The following SLC71A2 variants were observed in gnomAD, a reference collection of about 807,000 sequenced individuals.
SLC71A2 encodes hippocampus abundant transcript-like 1.
the SLC71A2 span, among the ~76,000 whole-genome samples, chr9:94,399,627 T>A: frequency 6.6e-6 from 1 of 152,140 alleles, no homozygotes; most frequent in African/African-American, 2.4e-5. Context: ...CCAGTTTATT[T>A]AATTGGTCAG....
the SLC71A2 span, among the ~76,000 whole-genome samples, chr9:94,423,843 C>A: frequency 2.5e-4 from 38 of 152,090 alleles, no homozygotes; most frequent in African/African-American, 8.0e-4. Context: ...TCTCTTAATG[C>A]CTTTGGATGA....
At chr9:94,397,535 A>G in the SLC71A2 span, among the ~76,000 whole-genome samples, 4 of 152,094 alleles carry the variant, frequency 2.6e-5, no homozygotes, top group African/African-American at 7.2e-5. Context: ...AAAAACCCCT[A>G]AAGTCCATAC....
At chr9:94,447,479 CTGTTTTTTTT>C in the SLC71A2 span, among the ~76,000 whole-genome samples, 2 of 131,566 alleles carry the variant, frequency 1.5e-5, no homozygotes, top group African/African-American at 3.1e-5. Flanking sequence ...TGTGCCCAGC[CTGTTTTTTTT>C]TTTTTTTTTT....
the SLC71A2 span, among the ~76,000 whole-genome samples, chr9:94,440,018 TTCA>T: frequency 6.6e-6 from 1 of 152,242 alleles, no homozygotes; most frequent in Non-Finnish European, 1.5e-5. Context: ...ATTGTAATGT[TTCA>T]TCATTAGGTG....
At chr9:94,413,266 A>G in the SLC71A2 span, among the ~76,000 whole-genome samples, 1 of 152,226 alleles carries the variant, frequency 6.6e-6, no homozygotes, top group Non-Finnish European at 1.5e-5. Flanking sequence ...GGCAACATTC[A>G]AATAAGGTAT....
At chr9:94,452,743 ATATCTAT>A in the SLC71A2 span, among the ~76,000 whole-genome samples, 2 of 101,170 alleles carry the variant, frequency 2.0e-5, no homozygotes, top group African/African-American at 5.4e-5. Flanking sequence ...TTATATATAA[ATATCTAT>A]TATATATAGG....
At chr9:94,396,690 A>C in the SLC71A2 span, among the ~76,000 whole-genome samples, 1 of 152,252 alleles carries the variant, frequency 6.6e-6, no homozygotes, top group African/African-American at 2.4e-5. Context: ...GCACTGCTAA[A>C]TATCAGTGAA....
At chr9:94,413,268 A>C in the SLC71A2 span, among the ~76,000 whole-genome samples, 1 of 152,206 alleles carries the variant, frequency 6.6e-6, no homozygotes, top group Non-Finnish European at 1.5e-5. Context: ...CAACATTCAA[A>C]TAAGGTATGT....
At chr9:94,451,048 A>G in the SLC71A2 span, among the ~76,000 whole-genome samples, 1 of 152,150 alleles carries the variant, frequency 6.6e-6, no homozygotes, top group East Asian at 1.9e-4. Context: ...TCTTTTGCTT[A>G]CATCATGATT....
the SLC71A2 span, among the ~76,000 whole-genome samples, chr9:94,403,835 T>G: frequency 1.3e-5 from 2 of 152,218 alleles, no homozygotes; most frequent in Non-Finnish European, 2.9e-5. Context: ...AGCACTTATC[T>G]TCTTATTTAA....
the SLC71A2 span, among the ~76,000 whole-genome samples, chr9:94,448,748 TCAGCCTGCCAAG>T: frequency 6.6e-6 from 1 of 152,202 alleles, no homozygotes; most frequent in Non-Finnish European, 1.5e-5. Context: ...TCCTTGTGCC[TCAGCCTGCCAAG>T]CAGCTGGGAT....
At chr9:94,417,849 T>C in the SLC71A2 span, among the ~76,000 whole-genome samples, 3 of 51,586 alleles carry the variant, frequency 5.8e-5, no homozygotes, top group Non-Finnish European at 8.8e-5. Context: ...ATAGGCAAGT[T>C]CCCACCCCAC....
the SLC71A2 span, among the ~76,000 whole-genome samples, chr9:94,383,514 A>T: frequency 6.6e-6 from 1 of 151,388 alleles, no homozygotes; most frequent in Non-Finnish European, 1.5e-5. Flanking sequence ...CAGTCTCTGA[A>T]CTCTTTATTC....
the SLC71A2 span, among the ~76,000 whole-genome samples, chr9:94,434,515 C>T: frequency 6.6e-6 from 1 of 152,144 alleles, no homozygotes; most frequent in East Asian, 1.9e-4. Flanking sequence ...CGGGGTTTCA[C>T]CATGTTCGCC....
chr9:94,442,647 T>C, the SLC71A2 span, among the ~76,000 whole-genome samples: 4 of 151,656 alleles, frequency 2.6e-5, no homozygotes. Flanking sequence ...GGTCAAGAAA[T>C]CGAGACCATC....
the SLC71A2 span, chr9:94,460,414 C>A: frequency 6.6e-6 from 1 of 152,562 alleles, no homozygotes. Flanking sequence ...GTTTTCAATT[C>A]ATCTTTATTT....
chr9:94,401,874 A>G, the SLC71A2 span, among the ~76,000 whole-genome samples: 9 of 152,224 alleles, frequency 5.9e-5, no homozygotes, highest in Admixed American at 2.6e-4. Flanking sequence ...AGCAGCCCTG[A>G]GGGCTGCTGG....
At chr9:94,407,381 CTTTT>C in the SLC71A2 span, among the ~76,000 whole-genome samples, 4 of 139,902 alleles carry the variant, frequency 2.9e-5, no homozygotes, top group South Asian at 6.8e-4. Flanking sequence ...CTGTAGTTTT[CTTTT>C]TTTTTTTTTT....
the SLC71A2 span, among the ~76,000 whole-genome samples, chr9:94,411,526 C>T: frequency 2.6e-5 from 4 of 151,826 alleles, no homozygotes; most frequent in African/African-American, 9.7e-5. Context: ...CCTAGATTCA[C>T]TATTTCAGTA....
Sources: allele counts gnomAD v4.1 joint callset (sites outside exome capture counted in the v4.1 genomes callset), GRCh38; gene constraint gnomAD v4.1.1; transcripts MANE v1.5; gene names NCBI Gene and HGNC (gene_info 2026-07-23, HGNC 2026-07-21).